Variants in ELMO1 observed in about 807,000 individuals in gnomAD.
ELMO1 encodes the protein engulfment and cell motility protein 1.
Under a neutral mutation model 98.9 loss-of-function variants are expected in ELMO1, and 26 were observed. That is an observed-to-expected ratio of 0.26 (90% confidence interval 0.19 to 0.36). The LOEUF is 0.36. ELMO1 is among the 10% of genes least tolerant of loss of function. The probability of loss-of-function intolerance (pLI) is 1.00; values close to 1 mark genes in which losing one functional copy is unlikely to be tolerated. For missense variants in ELMO1, 627 were observed against 935.2 expected (o/e 0.67, Z 4.30); for synonymous variants, 346 against 346.0 (o/e 1.00, Z 0.00).
chr7:36,916,308 C>G (rs1472333267), intron 16 of ELMO1, among the ~76,000 whole-genome samples: 1 of 152,202 alleles, frequency 6.6e-6, no homozygotes, highest in East Asian at 1.9e-4. Context: ...TCTACCCAAG[C>G]CGGTGATAAT....
At chr7:37,199,797 G>C (rs747276967) in intron 13 of ELMO1, among the ~76,000 whole-genome samples, 17 of 152,274 alleles carry the variant, frequency 1.1e-4, no homozygotes, top group South Asian at 4.1e-4. Context: ...GACAGCAAAG[G>C]TGGATCACAG....
At position 37,440,219 on chromosome 7, in the gene ELMO1, G is replaced by A. The variant is rs146204184; in HGVS notation, c.-74+8456C>T. 2.0e-3 allele frequency among the ~76,000 whole-genome samples: 307 copies of A among 152,168 alleles called. 1 individual carries two copies. The highest frequency in any genetic ancestry group is 3.5e-3 in the Non-Finnish European group (240 of 68,000). On this transcript the variant is annotated intron_variant, in intron 1 of 21. Transcript: ENST00000310758. ...AACACTTTGGGAGGCCAAGGCAGGC[G>A]GATCACAAGGTCAGGAGTTCGAGAC...
chr7:36,887,943 T>C (rs1444023690), intron 17 of ELMO1, among the ~76,000 whole-genome samples: 1 of 152,106 alleles, frequency 6.6e-6, no homozygotes, highest in Admixed American at 6.6e-5. Context: ...GTCCTGAAAA[T>C]TTTCTTCTTT....
intron 4 of ELMO1, among the ~76,000 whole-genome samples, chr7:37,279,262 C>T (rs75048974): frequency 6.6e-6 from 1 of 152,126 alleles, no homozygotes; most frequent in Non-Finnish European, 1.5e-5. Flanking sequence ...CTCACCAGGG[C>T]ATTTCAACTC....
chr7:37,327,835 C>T lies in ELMO1; in HGVS notation c.79-11875G>A, dbSNP rs552638976. Reference sequence around the variant, plus strand: ...AACCTACAGCCCTGAAGAATAGTAACACAGGATTTTCAGGAAGGGTCTAAA... The same window carrying T: ...AACCTACAGCCCTGAAGAATAGTAATACAGGATTTTCAGGAAGGGTCTAAA... On this transcript the variant is annotated intron_variant, in intron 2 of 21. Coordinates refer to ENST00000310758, the MANE Select transcript of ELMO1 (RefSeq NM_014800.11). Among the ~76,000 whole-genome samples the T allele has an allele frequency of 9.9e-5, 15 of 152,196 alleles. No individual in the cohort carries two copies. In the South Asian group the frequency reaches 2.5e-3, roughly 25 times the overall value.
At chr7:36,879,024 A>G (rs1219501147) in intron 18 of ELMO1, among the ~76,000 whole-genome samples, 1 of 152,154 alleles carries the variant, frequency 6.6e-6, no homozygotes, top group African/African-American at 2.4e-5. Context: ...TTGCACCACC[A>G]GTTTGGCTTG....
chr7:36,975,864 GAT>G (rs1790493854), intron 16 of ELMO1, among the ~76,000 whole-genome samples: 1 of 130,226 alleles, frequency 7.7e-6, no homozygotes. Context: ...AAAAAAAAAA[GAT>G]AAAATTGTAT....
intron 1 of ELMO1, among the ~76,000 whole-genome samples, chr7:37,377,587 C>T (rs1453175004): frequency 2.0e-5 from 3 of 152,136 alleles, no homozygotes; most frequent in Non-Finnish European, 4.4e-5. Context: ...GGATAGGAGA[C>T]ACCTCCAGGA....
chr7:37,004,520 G>T (rs1209106596), intron 16 of ELMO1, among the ~76,000 whole-genome samples: 6 of 152,132 alleles, frequency 3.9e-5, no homozygotes, highest in African/African-American at 1.2e-4. Context: ...CTCCTAATTG[G>T]CAAATCTCAA....
chr7:37,139,066 G>A (rs984606700), intron 13 of ELMO1, among the ~76,000 whole-genome samples: 6 of 152,102 alleles, frequency 3.9e-5, no homozygotes, highest in Admixed American at 2.0e-4. Context: ...GCATAGAAGG[G>A]ATATACCTTA....
At chr7:37,289,408 C>T (rs1292822357) in intron 4 of ELMO1, among the ~76,000 whole-genome samples, 1 of 152,164 alleles carries the variant, frequency 6.6e-6, no homozygotes, top group South Asian at 2.1e-4. Flanking sequence ...GGTTCCACTA[C>T]CAATCCACAT....
At chr7:37,119,409 C>T (rs575646414) in intron 14 of ELMO1, among the ~76,000 whole-genome samples, 1 of 152,168 alleles carries the variant, frequency 6.6e-6, no homozygotes, top group Non-Finnish European at 1.5e-5. Flanking sequence ...TAGGTAATTT[C>T]AGAGCATTTT....
chr7:37,081,563 T>TA (rs1458269741), intron 15 of ELMO1, among the ~76,000 whole-genome samples: 1 of 152,140 alleles, frequency 6.6e-6, no homozygotes, highest in Non-Finnish European at 1.5e-5. Flanking sequence ...ATTTCCTCCT[T>TA]ACTGTTTTCA....
intron 16 of ELMO1, among the ~76,000 whole-genome samples, chr7:36,921,201 C>T (rs116570225): frequency 0.018 from 2,713 of 152,246 alleles, 48 homozygotes; most frequent in African/African-American, 0.051. Flanking sequence ...CAAATTACCC[C>T]GTCTAAGGTA....
In ELMO1 at chr7:37,259,132, C is replaced by T. The variant is rs532367243; in HGVS notation, c.413+49G>A. Reference sequence around the variant, plus strand: ...GTAAGGCATGTAACAATATTCAAAACGCGGAGACACGCAGGACAGCTGTGG... The same window carrying T: ...GTAAGGCATGTAACAATATTCAAAATGCGGAGACACGCAGGACAGCTGTGG... On this transcript the variant is annotated intron_variant, in intron 6 of 21. Coordinates refer to ENST00000310758, the MANE Select transcript of ELMO1 (RefSeq NM_014800.11). 55 of 1,554,046 alleles carry T rather than the reference C, an allele frequency of 3.5e-5. No individual in the cohort carries two copies. The Middle Eastern group carries it at 1.1e-3, about 30-fold the overall frequency.
chr7:37,232,779 G>T (rs1267872740), intron 8 of ELMO1, among the ~76,000 whole-genome samples: 1 of 152,150 alleles, frequency 6.6e-6, no homozygotes, highest in Non-Finnish European at 1.5e-5. Context: ...ATGACAGTAG[G>T]AACTCTGTTT....
At chr7:37,257,467 G>A (rs938764658) in intron 6 of ELMO1, among the ~76,000 whole-genome samples, 1 of 151,768 alleles carries the variant, frequency 6.6e-6, no homozygotes, top group African/African-American at 2.4e-5. Flanking sequence ...GCTCACGCCT[G>A]TAATCCCAAC....
Position 37,069,030 on chromosome 7 carries a change from G to A in ELMO1, c.1300+27589C>T, listed in dbSNP as rs569476782. ...ATGTCTCCAAATGCCTCATCTCTCC[G>A]TGTAAGAGTCAGGGTTCTATCCTGA... On this transcript the variant is annotated intron_variant, in intron 15 of 21. Transcript: ENST00000310758. 1.3e-5 allele frequency among the ~76,000 whole-genome samples: 2 copies of A among 152,226 alleles called. 1 individual carries two copies. Among genetic ancestry groups the A allele is most frequent in the South Asian group, 4.2e-4 (2 of 4,814 alleles).
At chr7:37,016,824 A>C (rs1199953443) in intron 15 of ELMO1, among the ~76,000 whole-genome samples, 1 of 152,216 alleles carries the variant, frequency 6.6e-6, no homozygotes, top group African/African-American at 2.4e-5. Flanking sequence ...GACTTCTCCA[A>C]GGTCACATGG....
Sources: allele counts gnomAD v4.1 joint callset (sites outside exome capture counted in the v4.1 genomes callset), GRCh38; gene constraint gnomAD v4.1.1; transcripts MANE v1.5; gene names NCBI Gene and HGNC (gene_info 2026-07-23, HGNC 2026-07-21).